The following MGAT4C variants were observed in gnomAD, a reference collection of about 807,000 sequenced individuals.
MGAT4C encodes the protein alpha-1,3-mannosyl-glycoprotein 4-beta-N-acetylglucosaminyltransferase C.
Under a neutral mutation model 40.1 loss-of-function variants are expected in MGAT4C, and 19 were observed. The observed-to-expected ratio is 0.47, with a 90% confidence interval of 0.33 to 0.70. The LOEUF (loss-of-function observed/expected upper bound fraction) is 0.70. Ranked by LOEUF, MGAT4C falls within the 30% of genes least tolerant of loss-of-function variation. MGAT4C has a pLI of 0.02. For missense variants in MGAT4C, 491 were observed against 563.2 expected (o/e 0.87, Z 1.30); for synonymous variants, 181 against 187.1 (o/e 0.97, Z 0.27).
chr12:86,073,741 C>G (rs1256553562), intron 1 of MGAT4C, among the ~76,000 whole-genome samples: 2 of 152,174 alleles, frequency 1.3e-5, no homozygotes, highest in Admixed American at 6.5e-5. Flanking sequence ...TACCCATACC[C>G]CCCATTGTAC....
At chr12:86,836,448 T>TG (rs1953038098) in intron 1 of MGAT4C, among the ~76,000 whole-genome samples, 2 of 151,896 alleles carry the variant, frequency 1.3e-5, no homozygotes, top group South Asian at 4.1e-4. Flanking sequence ...AACAAACATA[T>TG]CATGGGCACT....
At chr12:86,514,111 AC>A (rs1565818700) in intron 2 of MGAT4C, among the ~76,000 whole-genome samples, 2 of 126,578 alleles carry the variant, frequency 1.6e-5, no homozygotes, top group African/African-American at 6.4e-5. Flanking sequence ...CACACACACA[AC>A]CCCGGCTTAG....
At chr12:86,781,913 G>A (rs1028775775) in intron 1 of MGAT4C, among the ~76,000 whole-genome samples, 1 of 120,708 alleles carries the variant, frequency 8.3e-6, no homozygotes, top group Non-Finnish European at 1.9e-5. Context: ...ATTAAAAACA[G>A]AATTGTTTTT....
intron 2 of MGAT4C, among the ~76,000 whole-genome samples, chr12:86,487,473 T>C (rs1315312779): frequency 1.3e-5 from 2 of 152,174 alleles, no homozygotes; most frequent in Non-Finnish European, 2.9e-5. Context: ...TTGACTTTAG[T>C]TGTCATAAAC....
At chr12:86,815,633 A>G (rs1158979670) in intron 1 of MGAT4C, among the ~76,000 whole-genome samples, 2 of 151,170 alleles carry the variant, frequency 1.3e-5, no homozygotes, top group African/African-American at 2.4e-5. Context: ...GTGATATTAT[A>G]TAATATTATA....
intron 2 of MGAT4C, among the ~76,000 whole-genome samples, chr12:85,999,863 G>A (rs1411375705): frequency 6.6e-6 from 1 of 152,104 alleles, no homozygotes; most frequent in African/African-American, 2.4e-5. Context: ...ATTACCAGAG[G>A]CTGGGAGGGG....
At chr12:86,682,824 A>T (rs1950005597) in intron 2 of MGAT4C, among the ~76,000 whole-genome samples, 1 of 151,732 alleles carries the variant, frequency 6.6e-6, no homozygotes, top group African/African-American at 2.4e-5. Context: ...TTTGATTTGG[A>T]TTCACTCTTC....
intron 4 of MGAT4C, among the ~76,000 whole-genome samples, chr12:86,318,358 G>A (rs1954296837): frequency 6.6e-6 from 1 of 152,062 alleles, no homozygotes; most frequent in East Asian, 1.9e-4. Flanking sequence ...ACACCTGAAG[G>A]AGCAGCCATC....
chr12:86,676,774 A>G (rs1341530342), intron 2 of MGAT4C, among the ~76,000 whole-genome samples: 1 of 152,164 alleles, frequency 6.6e-6, no homozygotes, highest in East Asian at 1.9e-4. Flanking sequence ...TATCTACATA[A>G]GAAAGATCTG....
chr12:86,376,818 CAGAGAGAGAGAG>C (rs34852259), intron 3 of MGAT4C, among the ~76,000 whole-genome samples: 1 of 125,306 alleles, frequency 8.0e-6, no homozygotes, highest in Non-Finnish European at 1.7e-5. Context: ...GAGAGAGAGA[CAGAGAGAGAGAG>C]AGAGAGAGAG....
At chr12:86,148,884 T>C (rs982634286) in intron 1 of MGAT4C, among the ~76,000 whole-genome samples, 6 of 152,180 alleles carry the variant, frequency 3.9e-5, no homozygotes, top group African/African-American at 1.4e-4. Flanking sequence ...ACAAATCATC[T>C]CATCTGAATA....
chr12:86,424,238 C>A (rs1956882389), intron 3 of MGAT4C, among the ~76,000 whole-genome samples: 1 of 152,160 alleles, frequency 6.6e-6, no homozygotes, highest in Admixed American at 6.5e-5. Context: ...ATTTCATCAC[C>A]TGTAAAAGAA....
chr12:86,286,437 A>C (rs78148295), intron 4 of MGAT4C, among the ~76,000 whole-genome samples: 4,680 of 152,274 alleles, frequency 0.031, 202 homozygotes, highest in African/African-American at 0.1. Flanking sequence ...CTATACAGAC[A>C]ATAATACAAC....
chr12:86,110,300 C>CTATATATATATAGTCTATATATA (rs1877107081), intron 1 of MGAT4C, among the ~76,000 whole-genome samples: 1 of 12,214 alleles, frequency 8.2e-5, no homozygotes, highest in Non-Finnish European at 1.3e-4. Context: ...TATAGTCTCT[C>CTATATATATATAGTCTATATATA]TATATATATA....
chr12:86,480,734 T>C (rs564288707), intron 2 of MGAT4C, among the ~76,000 whole-genome samples: 35 of 151,938 alleles, frequency 2.3e-4, no homozygotes, highest in African/African-American at 8.2e-4. Flanking sequence ...CACATATTGC[T>C]GTAACTCTTT....
chr12:86,576,333 T>C (rs963271385), intron 2 of MGAT4C, among the ~76,000 whole-genome samples: 7 of 151,948 alleles, frequency 4.6e-5, no homozygotes, highest in African/African-American at 9.7e-5. Context: ...CTTTTTAATC[T>C]GGTGTGATTC....
intron 1 of MGAT4C, among the ~76,000 whole-genome samples, chr12:86,189,989 AG>A (rs1002758737): frequency 1.3e-5 from 2 of 152,066 alleles, no homozygotes; most frequent in African/African-American, 4.8e-5. Context: ...CTCAAAATGA[AG>A]GCTAAATATT....
intron 3 of MGAT4C, among the ~76,000 whole-genome samples, chr12:86,380,369 C>A (rs1156711477): frequency 3.9e-5 from 6 of 152,054 alleles, no homozygotes; most frequent in African/African-American, 1.4e-4. Flanking sequence ...TAATCCTTAA[C>A]AGAAAAAACT....
intron 2 of MGAT4C, among the ~76,000 whole-genome samples, chr12:86,653,755 T>A (rs1028602456): frequency 1.3e-5 from 2 of 149,288 alleles, no homozygotes; most frequent in African/African-American, 5.1e-5. Flanking sequence ...CATTTAAAGA[T>A]TCTATTCAGG....
Sources: gnomAD v4.1 joint callset for allele counts (sites outside exome capture counted in the v4.1 genomes callset) on GRCh38, gnomAD v4.1.1 for gene constraint, MANE v1.5 for transcripts, NCBI Gene and HGNC (gene_info 2026-07-23, HGNC 2026-07-21) for gene names.